The following FRMPD4 variants were observed in gnomAD, a reference collection of about 807,000 sequenced individuals.
FRMPD4 encodes the protein FERM and PDZ domain-containing protein 4.
A neutral mutation model predicts 94.1 loss-of-function variants in FRMPD4; 22 were observed. The observed-to-expected ratio is 0.23, with a 90% confidence interval of 0.17 to 0.33. The LOEUF is 0.33. FRMPD4 is among the 10% of genes least tolerant of loss of function. The pLI, the probability that FRMPD4 is intolerant of heterozygous loss-of-function variation, is 1.00. For synonymous variants in FRMPD4, 631 were observed against 548.6 expected (o/e 1.15, Z -2.10); for missense variants, 1,111 against 1,339.9 (o/e 0.83, Z 2.67).
At chrX:12,715,143 A>T (rs373866541) in intron 14 of FRMPD4, among the ~76,000 whole-genome samples, 83 of 112,169 alleles carry the variant, frequency 7.4e-4, no homozygotes, top group African/African-American at 2.6e-3. Context: ...CTACAAGGCA[A>T]TATCAACAGA....
chrX:12,491,418 G>A (rs2057792022), intron 1 of FRMPD4, among the ~76,000 whole-genome samples: 1 of 111,642 alleles, frequency 9.0e-6, no homozygotes, highest in Non-Finnish European at 1.9e-5. Flanking sequence ...CACCCTTTTT[G>A]TAACCAACTT....
At chrX:12,552,367 A>G (rs1372708736) in intron 2 of FRMPD4, among the ~76,000 whole-genome samples, 5 of 111,732 alleles carry the variant, frequency 4.5e-5, no homozygotes, top group Admixed American at 2.9e-4. Context: ...AACCTCATTG[A>G]TCTTACATCT....
At chrX:12,260,937 C>G (rs1318636778) in intron 1 of FRMPD4, among the ~76,000 whole-genome samples, 3 of 111,291 alleles carry the variant, frequency 2.7e-5, no homozygotes, top group Non-Finnish European at 5.7e-5. Context: ...CTTAAGATGC[C>G]CAAACAGCCC....
At chrX:12,223,118 A>G (rs1046950603) in intron 1 of FRMPD4, among the ~76,000 whole-genome samples, 12 of 112,179 alleles carry the variant, frequency 1.1e-4, no homozygotes, top group African/African-American at 3.6e-4. Context: ...TAACCAAAGG[A>G]ATATAAATTG....
chrX:12,474,938 G>T (rs780268054), intron 1 of FRMPD4, among the ~76,000 whole-genome samples: 41 of 111,857 alleles, frequency 3.7e-4, no homozygotes, highest in African/African-American at 1.2e-3. Flanking sequence ...TAGAAAAAGA[G>T]GGAATCCTCC....
intron 1 of FRMPD4, among the ~76,000 whole-genome samples, chrX:12,388,662 C>T (rs138650581): frequency 0.011 from 1,129 of 104,715 alleles, 6 homozygotes; most frequent in South Asian, 0.017. Context: ...ATAGCAATCC[C>T]ACCCCCACTT....
chrX:12,149,631 A>G (rs1335582304), intron 1 of FRMPD4, among the ~76,000 whole-genome samples: 3 of 112,487 alleles, frequency 2.7e-5, no homozygotes, highest in Non-Finnish European at 3.8e-5. Flanking sequence ...ACTCCTGGTG[A>G]AGGTGCTGTG....
At chrX:12,429,984 A>G (rs1312151839) in intron 1 of FRMPD4, among the ~76,000 whole-genome samples, 2 of 112,119 alleles carry the variant, frequency 1.8e-5, no homozygotes, top group Non-Finnish European at 3.8e-5. Flanking sequence ...ACCAGGCCCC[A>G]ACTTGCCAGG....
intron 3 of FRMPD4, among the ~76,000 whole-genome samples, chrX:12,108,377 A>G (rs1178879879): frequency 8.9e-6 from 1 of 112,025 alleles, no homozygotes; most frequent in African/African-American, 3.2e-5. Flanking sequence ...AAATGTTGAG[A>G]GATTTTGTCA....
chrX:12,117,167 G>C (rs754384641), intron 3 of FRMPD4, among the ~76,000 whole-genome samples: 4 of 112,018 alleles, frequency 3.6e-5, no homozygotes, highest in Non-Finnish European at 7.5e-5. Flanking sequence ...TAGAAGGTAA[G>C]AGCATGTATA....
At chrX:12,443,407 GTTTT>G (rs139976053) in intron 1 of FRMPD4, among the ~76,000 whole-genome samples, 1 of 111,975 alleles carries the variant, frequency 8.9e-6, no homozygotes, top group East Asian at 2.8e-4. Context: ...TATAAGCAAT[GTTTT>G]TTTAAATTGG....
chrX:12,419,958 G>T (rs747224805), intron 1 of FRMPD4, among the ~76,000 whole-genome samples: 1 of 111,165 alleles, frequency 9.0e-6, no homozygotes, highest in East Asian at 2.8e-4. Context: ...TTTGTTTTCC[G>T]TTACCGTCTT....
At chrX:11,951,732 A>G (rs187432855) in intron 3 of FRMPD4, among the ~76,000 whole-genome samples, 98 of 112,416 alleles carry the variant, frequency 8.7e-4, no homozygotes, top group Non-Finnish European at 1.3e-3. Context: ...ACATGTACCC[A>G]TGAACTTAAA....
intron 1 of FRMPD4, among the ~76,000 whole-genome samples, chrX:12,329,530 A>G (rs1376003381): frequency 9.0e-6 from 1 of 110,871 alleles, no homozygotes; most frequent in Non-Finnish European, 1.9e-5. Context: ...TGAACCCCCA[A>G]CAATACGCAT....
intron 1 of FRMPD4, among the ~76,000 whole-genome samples, chrX:12,478,450 G>A (rs756654000): frequency 5.4e-5 from 6 of 111,784 alleles, no homozygotes; most frequent in African/African-American, 1.6e-4. Flanking sequence ...ATGGTGGTGC[G>A]TGCTATGCCT....
intron 1 of FRMPD4, among the ~76,000 whole-genome samples, chrX:12,475,652 A>G: frequency 8.9e-6 from 1 of 112,156 alleles, no homozygotes; most frequent in African/African-American, 3.2e-5. Flanking sequence ...AATCACAAGC[A>G]TTCTTATACA....
chrX:12,668,765 C>T (rs1418173660), intron 4 of FRMPD4, among the ~76,000 whole-genome samples: 4 of 109,465 alleles, frequency 3.7e-5, no homozygotes, highest in Non-Finnish European at 5.7e-5. Flanking sequence ...CCACCATGCC[C>T]GGCTAATTTT....
At chrX:12,222,968 T>A (rs1309203617) in intron 1 of FRMPD4, among the ~76,000 whole-genome samples, 1 of 112,357 alleles carries the variant, frequency 8.9e-6, no homozygotes, top group Non-Finnish European at 1.9e-5. Flanking sequence ...CATAGAAATC[T>A]TTGTGTGGGC....
At chrX:12,137,900 T>C (rs1569165935), upstream of FRMPD4, among the ~76,000 whole-genome samples, 1 of 112,124 alleles carries the variant, frequency 8.9e-6, no homozygotes, top group Non-Finnish European at 1.9e-5. Flanking sequence ...CCCATTCTAA[T>C]CCTTCTCTTT....
Sources: allele counts gnomAD v4.1 joint callset (sites outside exome capture counted in the v4.1 genomes callset), GRCh38; gene constraint gnomAD v4.1.1; transcripts MANE v1.5; gene names NCBI Gene and HGNC (gene_info 2026-07-23, HGNC 2026-07-21).